The following ZNF385A variants were observed in gnomAD, a reference collection of about 807,000 sequenced individuals.
The protein encoded by ZNF385A is hematopoietic zinc finger protein.
Under a neutral mutation model 32.1 loss-of-function variants are expected in ZNF385A, and 14 were observed. The observed-to-expected ratio is 0.44, with a 90% CI of 0.29 to 0.68. The LOEUF is 0.68. ZNF385A is among the 30% of genes least tolerant of loss of function. ZNF385A has a pLI of 0.14. For synonymous variants in ZNF385A, 197 were observed against 202.7 expected, an observed-to-expected ratio of 0.97 and a Z score of 0.24; for missense variants, 406 against 478.4, an observed-to-expected ratio of 0.85 and a Z score of 1.41.
chr12:54,386,300 G>A (rs1592272724), upstream of ZNF385A, among the ~76,000 whole-genome samples: 1 of 152,060 alleles, frequency 6.6e-6, no homozygotes, highest in African/African-American at 2.4e-5. Flanking sequence ...GACACTGAGA[G>A]AGAAAAGGAT....
At chr12:54,388,318 T>C (rs1311952959), upstream of ZNF385A, among the ~76,000 whole-genome samples, 2 of 152,200 alleles carry the variant, frequency 1.3e-5, no homozygotes, top group Admixed American at 1.3e-4. Flanking sequence ...CCTGGGCACT[T>C]TGATCCTGCT....
chr12:54,373,557 G>A (rs755875812), intron 3 of ZNF385A, among the ~76,000 whole-genome samples: 3 of 151,996 alleles, frequency 2.0e-5, no homozygotes, highest in Non-Finnish European at 4.4e-5. Context: ...GGAGTTTCCT[G>A]GGTTTCTTGC....
chr12:54,379,723 G>T (rs1364278821), intron 1 of ZNF385A, among the ~76,000 whole-genome samples: 1 of 152,148 alleles, frequency 6.6e-6, no homozygotes, highest in African/African-American at 2.4e-5. Context: ...AGGGCACCCA[G>T]GGCAAAAGCG....
intron 1 of ZNF385A, among the ~76,000 whole-genome samples, chr12:54,384,092 A>G (rs1360120769): frequency 6.6e-6 from 1 of 151,546 alleles, no homozygotes; most frequent in Admixed American, 6.6e-5. Flanking sequence ...CAGCACCTAC[A>G]CCCCTCCTAC....
rs896992838 is a variant in ZNF385A at position 54,370,279 on chromosome 12, G to T, written c.1078C>A (p.Pro360Thr). 1 of 1,472,352 alleles carries T rather than the reference G, an allele frequency of 6.8e-7. No homozygotes were observed. The highest frequency in any genetic ancestry group is 9.0e-7 in the Non-Finnish European group (1 of 1,110,896). 91.2% of individuals were successfully genotyped at this position (1,472,352 alleles called of 1,614,324 possible). Residue 360 changes from proline to threonine, a missense_variant, in exon 7 of 7, where the codon CCC becomes ACC. Coordinates refer to ENST00000394313, the MANE Select transcript of ZNF385A (RefSeq NM_015481.3). The surrounding 1 kb of genome is among the most constrained non-coding windows in gnomAD (Gnocchi z 5.5). The part of the protein sequence containing the change: ...APGPIRTAHG[P>T]ILFSPY ...GGTCAGTACGGGGAGAAGAGGATGG[G>T]TCCGTGCGCAGTTCGGATGGGTCCG...
rs1410260522 is a variant in ZNF385A at position 54,371,018 on chromosome 12, G to T, written c.683C>A (p.Thr228Asn). Residue 228 changes from threonine to asparagine, a missense_variant, in exon 5 of 7, where the codon ACC becomes AAC. Thr to Asn is a moderately conservative substitution (Grantham distance 65). Transcript: ENST00000394313. ...GGCAGGAGCCTCTGGTTCCCCCGGG[G>T]TGGGAGGCCCCAGCCGAGGGTAAGC... ...IKAYPRLGPP[T>N]PGEPEAPAQD... 2 of 1,614,220 alleles carry T rather than the reference G, an allele frequency of 1.2e-6. No individual in the cohort carries two copies. Among genetic ancestry groups the T allele is most frequent in the East Asian group, 2.2e-5 (1 of 44,882 alleles).
chr12:54,374,508 C>T (rs1413850436), intron 2 of ZNF385A, among the ~76,000 whole-genome samples: 1 of 152,124 alleles, frequency 6.6e-6, no homozygotes, highest in Non-Finnish European at 1.5e-5. Flanking sequence ...TCTTAGACCC[C>T]AAGGCTATGT....
chr12:54,381,461 C>A (rs183238308), intron 1 of ZNF385A: 1 of 152,230 alleles, frequency 6.6e-6, no homozygotes, highest in Non-Finnish European at 1.5e-5. Flanking sequence ...GGAGTCGAAA[C>A]CCTGGATTAT....
At position 54,375,981 on chromosome 12, in the gene ZNF385A, G is replaced by A. The variant is rs1304117837; in HGVS notation, c.88-27C>T. On this transcript the variant is annotated intron_variant, in intron 1 of 6. Transcript: ENST00000394313. ...TGTGGAGGCAGGCTGGGGTGAGCCG[G>A]GAACCCTAGCGCAACTCATGTCCAG... The A allele has an allele frequency of 1.9e-6, 3 of 1,589,798 alleles. No individual in the cohort carries two copies. In the South Asian group the frequency reaches 3.3e-5, roughly 18 times the overall value.
At chr12:54,374,279 C>A in intron 2 of ZNF385A, 144 bp from the exon 3 acceptor site, 1 of 730,608 alleles carries the variant, frequency 1.4e-6, no homozygotes, top group Non-Finnish European at 1.9e-6. Context: ...AGCCCCATAC[C>A]AATAAGTCCT....
intron 1 of ZNF385A, chr12:54,379,119 TG>T (rs1024386691): frequency 1.0e-6 from 1 of 975,772 alleles, no homozygotes. Context: ...GGACCCGGGC[TG>T]GGGGGCCGCG....
chr12:54,373,115 T>TGA (rs1461179219), intron 3 of ZNF385A: 1 of 151,592 alleles, frequency 6.6e-6, no homozygotes, highest in Non-Finnish European at 1.4e-5. Context: ...TGTGCATCCC[T>TGA]GAGGGGGTTC....
At chr12:54,371,118 A>C (rs1203865187) in intron 4 of ZNF385A, 22 bp from the exon 5 acceptor site, 1 of 1,563,782 alleles carries the variant, frequency 6.4e-7, no homozygotes, top group Non-Finnish European at 8.6e-7. Flanking sequence ...AGAGGGCAGG[A>C]GGTAAGGGGT....
chr12:54,382,597 T>C (rs1955251503), intron 1 of ZNF385A, among the ~76,000 whole-genome samples: 1 of 152,168 alleles, frequency 6.6e-6, no homozygotes, highest in African/African-American at 2.4e-5. Context: ...CCTTGTTGGG[T>C]TGTTGTGAAG....
intron 1 of ZNF385A, among the ~76,000 whole-genome samples, chr12:54,378,111 G>A (rs1313957035): frequency 6.6e-6 from 1 of 152,170 alleles, no homozygotes; most frequent in East Asian, 1.9e-4. Flanking sequence ...GAGTGGGAGT[G>A]GGGAGTGGGG....
intron 1 of ZNF385A, among the ~76,000 whole-genome samples, chr12:54,381,689 T>C (rs1955190116): frequency 1.3e-5 from 2 of 152,250 alleles, no homozygotes; most frequent in Admixed American, 6.5e-5. Context: ...CCCTTGTTCA[T>C]GCTACTTACT....
intron 1 of ZNF385A, 123 bp from the exon 2 acceptor site, chr12:54,376,077 G>A (rs1356390512): frequency 4.1e-6 from 3 of 725,516 alleles, no homozygotes; most frequent in East Asian, 2.7e-5. Context: ...ATATGCCTGA[G>A]GGATCTGAGC....
In ZNF385A at chr12:54,379,288, G is replaced by T. The variant is rs755506690; in HGVS notation, c.88-3334C>A. ...GGACGGGGGCGGGGACAGGGACAGG[G>T]ACAGGGACAGGGAGCTGAAGAGGAA... On this transcript the variant is annotated intron_variant, in intron 1 of 6. Coordinates refer to ENST00000394313, the MANE Select transcript of ZNF385A (RefSeq NM_015481.3). 1.5e-3 allele frequency: 1,079 copies of T among 701,326 alleles called. 2 individuals are homozygous for T. The highest frequency in any genetic ancestry group is 3.0e-3 in the South Asian group (48 of 15,882). 43.4% of individuals were successfully genotyped at this position (701,326 alleles called of 1,614,324 possible). A position where few individuals can be genotyped will look rare whatever the true frequency, so the allele number is the denominator to read the frequency against.
Position 54,374,224 on chromosome 12 carries a change from CT to C in ZNF385A, c.199-90del, listed in dbSNP as rs1954720954. ...GAGCTCCCTCAAGTCCTGGGGTGAT[CT>C]CAGCAGGCTGCAGTGAATTTTTCTG... is the stretch of plus-strand genomic sequence containing the variant. On this transcript the variant is annotated intron_variant, in intron 2 of 6. Transcript: ENST00000394313. The C allele has an allele frequency of 3.0e-5, 38 of 1,273,976 alleles. No homozygotes were observed. In the South Asian group the frequency reaches 8.1e-4, roughly 27 times the overall value. 78.9% of individuals were successfully genotyped at this position (1,273,976 alleles called of 1,614,324 possible). A position where few individuals can be genotyped will look rare whatever the true frequency, so the allele number is the denominator to read the frequency against.
Sources: gnomAD v4.1 joint callset for allele counts (sites outside exome capture counted in the v4.1 genomes callset) on GRCh38, gnomAD v4.1.1 for gene constraint, Gnocchi (gnomAD v3.1) non-coding constraint, MANE v1.5 for transcripts, NCBI Gene and HGNC (gene_info 2026-07-23, HGNC 2026-07-21) for gene names.